The following NLGN1 variants were observed in gnomAD, a reference collection of about 807,000 sequenced individuals.
NLGN1 encodes neuroligin-1.
A neutral mutation model predicts 65.5 loss-of-function variants in NLGN1; 12 were observed. The ratio of observed to expected loss-of-function variants is 0.18; its 90% CI spans 0.12 to 0.30. NLGN1 has a LOEUF of 0.30. Ranked by LOEUF, NLGN1 falls within the 10% of genes least tolerant of loss-of-function variation. The probability of loss-of-function intolerance (pLI) is 1.00; values close to 1 mark genes in which losing one functional copy is unlikely to be tolerated. For missense variants in NLGN1, 750 were observed against 1,007.1 expected, an observed-to-expected ratio of 0.74 and a Z score of 3.46; for synonymous variants, 350 against 359.5, an observed-to-expected ratio of 0.97 and a Z score of 0.30.
intron 4 of NLGN1, among the ~76,000 whole-genome samples, chr3:174,162,973 A>G (rs952550811): frequency 6.6e-6 from 1 of 151,896 alleles, no homozygotes; most frequent in Non-Finnish European, 1.5e-5. Flanking sequence ...TAAAGCCTAG[A>G]GACTTAGACT....
At chr3:173,603,191 T>C (rs1195583194) in intron 2 of NLGN1, among the ~76,000 whole-genome samples, 1 of 152,158 alleles carries the variant, frequency 6.6e-6, no homozygotes, top group Non-Finnish European at 1.5e-5. Context: ...ATCAACACTT[T>C]ATTTTCAAAG....
intron 3 of NLGN1, among the ~76,000 whole-genome samples, chr3:173,652,322 T>G (rs1759322962): frequency 6.6e-6 from 1 of 152,212 alleles, no homozygotes; most frequent in South Asian, 2.1e-4. Flanking sequence ...TTTGAGATCT[T>G]AGTCATGAAT....
intron 2 of NLGN1, among the ~76,000 whole-genome samples, chr3:173,558,191 AATT>A (rs1393009403): frequency 6.6e-6 from 1 of 151,506 alleles, no homozygotes; most frequent in East Asian, 1.9e-4. Context: ...GTTATTTTCT[AATT>A]ATTATTTTCC....
intron 4 of NLGN1, among the ~76,000 whole-genome samples, chr3:173,808,151 A>C (rs762532798): frequency 6.6e-6 from 1 of 152,154 alleles, no homozygotes; most frequent in African/African-American, 2.4e-5. Context: ...TTCTGTTTAC[A>C]ATACTCTAAG....
intron 4 of NLGN1, among the ~76,000 whole-genome samples, chr3:174,198,844 CTTTTTTTTTTTT>C (rs56752477): frequency 2.0e-5 from 2 of 99,862 alleles, no homozygotes; most frequent in African/African-American, 3.8e-5. Flanking sequence ...TGACTAGATT[CTTTTTTTTTTTT>C]TTTTTTTTTT....
intron 4 of NLGN1, among the ~76,000 whole-genome samples, chr3:173,834,628 A>G (rs1010270230): frequency 2.0e-5 from 3 of 152,170 alleles, no homozygotes; most frequent in Non-Finnish European, 4.4e-5. Flanking sequence ...GCCAAACACT[A>G]TGCTACAAGC....
chr3:173,961,836 C>T (rs1019490151), intron 4 of NLGN1, among the ~76,000 whole-genome samples: 4 of 152,108 alleles, frequency 2.6e-5, no homozygotes, highest in African/African-American at 9.6e-5. Flanking sequence ...AAGCTTTTAT[C>T]AACCACTTCT....
Position 173,605,047 on chromosome 3 carries a change from G to GCC in NLGN1, c.450_451insCC (p.Glu151ProfsTer7), listed in dbSNP as rs750287298. On this transcript the variant is annotated frameshift_variant, in exon 3 of 7. Coordinates refer to ENST00000457714, the Ensembl canonical transcript of NLGN1. LOFTEE classifies it high-confidence loss of function. Reference sequence around the variant, plus strand: ...GTTTCATCATATGTGCAAGACCAGAGCGAAGACTGCCTATATTTAAATATA... The same window carrying GCC: ...GTTTCATCATATGTGCAAGACCAGAGCCCGAAGACTGCCTATATTTAAATATA... The GCC allele has an allele frequency of 6.2e-7, 1 of 1,613,138 alleles. No individual in the cohort carries two copies.
At chr3:173,693,564 ATTC>A (rs1447168840) in intron 3 of NLGN1, among the ~76,000 whole-genome samples, 2 of 152,064 alleles carry the variant, frequency 1.3e-5, no homozygotes, top group East Asian at 3.8e-4. Flanking sequence ...ACCTGCTTAT[ATTC>A]TTCTTGTATT....
chr3:173,758,389 A>AT (rs1367246594), intron 3 of NLGN1, among the ~76,000 whole-genome samples: 3 of 152,050 alleles, frequency 2.0e-5, no homozygotes, highest in Non-Finnish European at 2.9e-5. Flanking sequence ...AATGTTATGT[A>AT]TTTTTTAAAA....
At chr3:173,867,776 C>T (rs1730455092) in intron 4 of NLGN1, among the ~76,000 whole-genome samples, 1 of 151,928 alleles carries the variant, frequency 6.6e-6, no homozygotes, top group Admixed American at 6.6e-5. Context: ...CCTGAAGAGG[C>T]AAAGTAAGAG....
chr3:173,452,285 T>A (rs1721719183), intron 2 of NLGN1, among the ~76,000 whole-genome samples: 1 of 151,654 alleles, frequency 6.6e-6, no homozygotes, highest in Non-Finnish European at 1.5e-5. Flanking sequence ...AAGCTCTTCC[T>A]CCCGGGTTCA....
intron 4 of NLGN1, among the ~76,000 whole-genome samples, chr3:174,066,553 T>G (rs1012495029): frequency 4.7e-5 from 7 of 147,726 alleles, no homozygotes; most frequent in African/African-American, 1.8e-4. Flanking sequence ...TCTCTCTCTC[T>G]CTCTCTCTCT....
chr3:173,424,415 T>C (rs1236533837), intron 1 of NLGN1, among the ~76,000 whole-genome samples: 1 of 152,202 alleles, frequency 6.6e-6, no homozygotes, highest in Non-Finnish European at 1.5e-5. Context: ...TACCACATGG[T>C]CAGGCTGCAA....
chr3:174,072,765 C>G lies in NLGN1; in HGVS notation c.647-202550C>G, dbSNP rs566712590. 2.6e-5 allele frequency among the ~76,000 whole-genome samples: 4 copies of G among 152,018 alleles called. No homozygotes were observed. In the South Asian group the frequency reaches 8.3e-4, roughly 32 times the overall value. On this transcript the variant is annotated intron_variant, in intron 4 of 6. Coordinates refer to ENST00000457714, the Ensembl canonical transcript of NLGN1. ...TGTCAAAGATTCGTTTTGGAGCCCC[C>G]CTAGAAGGAACTGACCATGGAGTTC...
At chr3:173,479,907 G>T (rs371311808) in intron 2 of NLGN1, among the ~76,000 whole-genome samples, 9 of 152,220 alleles carry the variant, frequency 5.9e-5, no homozygotes, top group African/African-American at 9.6e-5. Context: ...AGTAGAAAGA[G>T]AAGTTGTTAA....
At chr3:174,119,785 C>A (rs1717355246) in intron 4 of NLGN1, among the ~76,000 whole-genome samples, 1 of 152,168 alleles carries the variant, frequency 6.6e-6, no homozygotes, top group African/African-American at 2.4e-5. Flanking sequence ...ACTAGTACAT[C>A]TTAATATGTG....
intron 4 of NLGN1, among the ~76,000 whole-genome samples, chr3:173,900,751 G>T (rs1464622779): frequency 6.6e-6 from 1 of 151,902 alleles, no homozygotes; most frequent in Admixed American, 6.6e-5. Flanking sequence ...ATTAACACTG[G>T]GATGGGGCAA....
intron 4 of NLGN1, among the ~76,000 whole-genome samples, chr3:174,192,892 T>C (rs944281985): frequency 4.6e-5 from 7 of 152,146 alleles, no homozygotes; most frequent in African/African-American, 1.7e-4. Flanking sequence ...TCCATATATC[T>C]GGGCCTTTGC....
Sources: gnomAD v4.1 joint callset for allele counts (sites outside exome capture counted in the v4.1 genomes callset) on GRCh38, gnomAD v4.1.1 for gene constraint, MANE v1.5 for transcripts, NCBI Gene and HGNC (gene_info 2026-07-23, HGNC 2026-07-21) for gene names.